Variants in GPR39 observed in about 807,000 individuals in gnomAD.
GPR39 encodes the protein G protein-coupled receptor 39, also known as zinc sensing receptor.
GPR39 carries 23 observed loss-of-function variants against 18.4 expected under a neutral mutation model. That is an observed-to-expected ratio of 1.25 (90% CI 0.90 to 1.77). GPR39 has a LOEUF of 1.77. Ranked by LOEUF, GPR39 falls within the 40% of genes most tolerant of loss-of-function variation. The pLI is 0.00. For missense variants in GPR39, 647 were observed against 602.4 expected, an observed-to-expected ratio of 1.07 and a Z score of -0.78; for synonymous variants, 280 against 257.9, an observed-to-expected ratio of 1.09 and a Z score of -0.82.
chr2:132,451,031 C>A (rs1486159617), intron 1 of GPR39, among the ~76,000 whole-genome samples: 4 of 152,174 alleles, frequency 2.6e-5, no homozygotes, highest in Admixed American at 6.6e-5. Flanking sequence ...TGGGATCAAC[C>A]TGCCCCAGGT....
intron 1 of GPR39, among the ~76,000 whole-genome samples, chr2:132,627,848 C>T (rs1681579878): frequency 6.6e-6 from 1 of 152,222 alleles, no homozygotes; most frequent in Non-Finnish European, 1.5e-5. Flanking sequence ...TTCCTGCCTT[C>T]TCTGGATCCC....
At chr2:132,438,928 C>A (rs980330881) in intron 1 of GPR39, among the ~76,000 whole-genome samples, 11 of 152,214 alleles carry the variant, frequency 7.2e-5, no homozygotes, top group Middle Eastern at 6.8e-3. Flanking sequence ...ATTAATATGT[C>A]GCAGCGAGCA....
chr2:132,601,884 C>A (rs929499996), intron 1 of GPR39, among the ~76,000 whole-genome samples: 1 of 151,932 alleles, frequency 6.6e-6, no homozygotes, highest in Non-Finnish European at 1.5e-5. Context: ...ATGAAAACTA[C>A]AAAACACTGA....
At chr2:132,554,227 T>C (rs1421329385) in intron 1 of GPR39, among the ~76,000 whole-genome samples, 1 of 152,200 alleles carries the variant, frequency 6.6e-6, no homozygotes, top group African/African-American at 2.4e-5. Flanking sequence ...AGAGCCTGGC[T>C]TCTGTACCTT....
intron 1 of GPR39, among the ~76,000 whole-genome samples, chr2:132,565,128 T>C (rs1446123547): frequency 6.6e-6 from 1 of 152,114 alleles, no homozygotes; most frequent in Non-Finnish European, 1.5e-5. Context: ...CTTTAATAAC[T>C]ATTGATGCCA....
At chr2:132,523,674 T>C (rs986616486) in intron 1 of GPR39, 3 of 152,234 alleles carry the variant, frequency 2.0e-5, no homozygotes, top group Non-Finnish European at 4.4e-5. Context: ...CAGGGTTGAT[T>C]TGGCTGATCT....
chr2:132,641,912 A>G (rs76369460), intron 1 of GPR39, among the ~76,000 whole-genome samples: 1,620 of 152,344 alleles, frequency 0.011, 40 homozygotes, highest in African/African-American at 0.037. Flanking sequence ...AGAAAAAAAT[A>G]CACAGCATGG....
intron 1 of GPR39, among the ~76,000 whole-genome samples, chr2:132,621,867 G>T (rs905119424): frequency 3.3e-5 from 5 of 152,186 alleles, no homozygotes; most frequent in Non-Finnish European, 5.9e-5. Context: ...TTCGTCCTAA[G>T]TAAGAAGGCA....
intron 1 of GPR39, among the ~76,000 whole-genome samples, chr2:132,526,107 G>A (rs1296638901): frequency 6.6e-6 from 1 of 152,114 alleles, no homozygotes; most frequent in African/African-American, 2.4e-5. Context: ...CCTGATATGA[G>A]GCTATTTATG....
intron 1 of GPR39, among the ~76,000 whole-genome samples, chr2:132,513,688 G>A (rs553404122): frequency 6.6e-4 from 101 of 152,354 alleles, no homozygotes; most frequent in African/African-American, 2.4e-3. Flanking sequence ...TCCAGCTTAA[G>A]AGTATCTTTT....
intron 1 of GPR39, among the ~76,000 whole-genome samples, chr2:132,531,073 G>T (rs575192719): frequency 1.3e-5 from 2 of 152,170 alleles, no homozygotes; most frequent in Non-Finnish European, 2.9e-5. Context: ...TGGATAAAGA[G>T]TCAAGACCCA....
chr2:132,644,884 T>C (rs1573717338), intron 1 of GPR39: 1 of 583,100 alleles, frequency 1.7e-6, no homozygotes, highest in South Asian at 2.2e-5. Context: ...GGTCTTTCTT[T>C]AACACAGCCA....
At chr2:132,539,734 A>T (rs1420311173) in intron 1 of GPR39, among the ~76,000 whole-genome samples, 1 of 152,076 alleles carries the variant, frequency 6.6e-6, no homozygotes, top group Admixed American at 6.6e-5. Flanking sequence ...TACTTCTGTC[A>T]TATTCTGTCT....
At chr2:132,420,649 A>G (rs1462839346) in intron 1 of GPR39, among the ~76,000 whole-genome samples, 8 of 150,578 alleles carry the variant, frequency 5.3e-5, no homozygotes. Flanking sequence ...GGAGCTCTTA[A>G]GGCAATAAAG....
chr2:132,629,621 A>G (rs908412886), intron 1 of GPR39, among the ~76,000 whole-genome samples: 33 of 152,220 alleles, frequency 2.2e-4, no homozygotes, highest in African/African-American at 8.0e-4. Context: ...CTCTCAATTT[A>G]CAGGCAAGGA....
At chr2:132,589,611 T>C (rs183116446) in intron 1 of GPR39, among the ~76,000 whole-genome samples, 17 of 152,320 alleles carry the variant, frequency 1.1e-4, no homozygotes, top group African/African-American at 4.1e-4. Context: ...AGAAGTGGCC[T>C]CTATGCTTGG....
chr2:132,597,413 T>C (rs1002167441), intron 1 of GPR39, among the ~76,000 whole-genome samples: 6 of 152,320 alleles, frequency 3.9e-5, no homozygotes, highest in African/African-American at 1.4e-4. Flanking sequence ...GATGATGCAC[T>C]GGGGACTCTG....
intron 1 of GPR39, among the ~76,000 whole-genome samples, chr2:132,587,316 C>G (rs894385191): frequency 6.6e-6 from 1 of 152,154 alleles, no homozygotes; most frequent in South Asian, 2.1e-4. Context: ...GTGGCTCTTT[C>G]GCCATTTCTC....
chr2:132,446,013 GA>G (rs1306831833), intron 1 of GPR39, among the ~76,000 whole-genome samples: 14 of 152,118 alleles, frequency 9.2e-5, no homozygotes, highest in Non-Finnish European at 1.5e-4. Flanking sequence ...GTGTTTTGAG[GA>G]AGGGGGTGAA....
Sources: gnomAD v4.1 joint callset for allele counts (sites outside exome capture counted in the v4.1 genomes callset) on GRCh38, gnomAD v4.1.1 for gene constraint, MANE v1.5 for transcripts, NCBI Gene and HGNC (gene_info 2026-07-23, HGNC 2026-07-21) for gene names.